KRT36: variants seen among roughly 807,000 people sequenced by gnomAD.
KRT36 encodes the protein keratin, type I cuticular Ha6.
In KRT36, 41 loss-of-function variants were observed where a neutral mutation model predicts 43.0. The observed-to-expected ratio is 0.95, with a 90% confidence interval of 0.74 to 1.24. KRT36 has a LOEUF of 1.24. Among genes scored for constraint, KRT36 ranks in the 50% most tolerant of loss-of-function variants. KRT36 has a pLI of 0.00. For missense variants in KRT36, 627 were observed against 595.3 expected (o/e 1.05, Z -0.55); for synonymous variants, 277 against 252.9 (o/e 1.10, Z -0.90).
At chr17:41,489,285 A>C in intron 1 of KRT36, 121 bp downstream of exon 1, 1 of 1,067,508 alleles carries the variant, frequency 9.4e-7, no homozygotes, top group Non-Finnish European at 1.4e-6. Flanking sequence ...TAGAGAGAAA[A>C]GTTTGCCCTA....
In KRT36 at chr17:41,489,531, G is replaced by A. The variant is rs748135154; in HGVS notation, c.334C>T (p.Arg112Cys). ...DRLANYLEKV[R>C]QLERENAELE... ...TCCGCGTTCTCCCGCTCCAGCTGAC[G>A]CACCTTCTCCAGGTAGTTGGCCAGG... The change falls in exon 1 of 7, where the codon CGT becomes TGT. Residue 112 changes from arginine to cysteine, a missense_variant. By Grantham distance (180) the Arg-to-Cys change is radical (BLOSUM62 -3). Coordinates refer to ENST00000328119, the MANE Select transcript of KRT36 (RefSeq NM_003771.5). The A allele has an allele frequency of 5.0e-6, 8 of 1,614,048 alleles. No homozygotes were observed. Among genetic ancestry groups the A allele is most frequent in the Middle Eastern group, 1.7e-4 (1 of 6,060 alleles).
chr17:41,489,371 G>C (rs115828690), intron 1 of KRT36, 35 bp downstream of exon 1: 4 of 1,597,344 alleles, frequency 2.5e-6, no homozygotes, highest in Non-Finnish European at 3.4e-6. Context: ...TAAGAGTTGG[G>C]CTGCTCAGCT....
intron 5 of KRT36, 69 bp from the exon 6 acceptor site, chr17:41,487,239 G>A (rs927900175): frequency 2.2e-5 from 34 of 1,578,632 alleles, no homozygotes; most frequent in Non-Finnish European, 2.8e-5. Flanking sequence ...CCACAGCCCT[G>A]GGCATCTGCC....
At position 41,487,745 on chromosome 17, in the gene KRT36, G is replaced by A. The variant is rs1256083533; in HGVS notation, c.700-8C>T. 1 of 1,601,936 alleles carries A rather than the reference G, an allele frequency of 6.2e-7. No individual in the cohort carries two copies. The highest frequency in any genetic ancestry group is 1.7e-5 in the Admixed American group (1 of 59,356). ...ACGGAGTACACTGACTTCCTGCAGA[G>A]AGGAGGCAAGACGGCATGAGGTTGT... On this transcript the variant is annotated splice_polypyrimidine_tract_variant and splice_region_variant and intron_variant, in intron 3 of 6. Coordinates refer to ENST00000328119, the MANE Select transcript of KRT36 (RefSeq NM_003771.5).
intron 2 of KRT36, 57 bp from the exon 3 acceptor site, chr17:41,488,456 A>G: frequency 1.3e-6 from 2 of 1,591,106 alleles, no homozygotes; most frequent in South Asian, 2.3e-5. Context: ...ACCAGCAGGG[A>G]CCCCTGCCCT....
chr17:41,488,261 G>C lies in KRT36; in HGVS notation c.681C>G (p.Leu227=). The C allele has an allele frequency of 6.2e-7, 1 of 1,613,962 alleles. No homozygotes were observed. Among genetic ancestry groups the C allele is most frequent in the South Asian group, 1.1e-5 (1 of 91,084 alleles). ...VESLKEELMC[L]KKNHEEEVSV... is the part of the protein sequence containing the mutation. ...GCCTCACCTCCTCGTGATTCTTCTT[G>C]AGGCACATCAGCTCCTCCTTCAGGG... The change falls in exon 3 of 7, where the codon CTC becomes CTG. Residue 227 remains leucine, a synonymous_variant. Coordinates refer to ENST00000328119, the MANE Select transcript of KRT36 (RefSeq NM_003771.5).
chr17:41,486,944 A>G lies in KRT36; in HGVS notation c.1208+6T>C, dbSNP rs750995657. 2 of 1,610,542 alleles carry G rather than the reference A, an allele frequency of 1.2e-6. No homozygotes were observed. Among genetic ancestry groups the G allele is most frequent in the Non-Finnish European group, 1.7e-6 (2 of 1,179,158 alleles). ...CAAGCCCTACCCCAGCCCAAGGGCC[A>G]CTCACTTGCAGTCCTCTCCCTCCAG... On this transcript the variant is annotated splice_donor_region_variant and intron_variant, in intron 6 of 6. Coordinates refer to ENST00000328119, the MANE Select transcript of KRT36 (RefSeq NM_003771.5).
At chr17:41,487,329 G>C in intron 5 of KRT36, 22 bp downstream of exon 5, 1 of 1,606,566 alleles carries the variant, frequency 6.2e-7, no homozygotes, top group Non-Finnish European at 8.5e-7. Flanking sequence ...CGTGGCCAGC[G>C]ACGCAGGCAG....
Position 41,488,419 on chromosome 17 carries a change from C to A in KRT36, c.543-20G>T, listed in dbSNP as rs767446881. 5.0e-5 allele frequency: 81 copies of A among 1,609,072 alleles called. No homozygotes were observed. The highest frequency in any genetic ancestry group is 5.6e-5 in the Non-Finnish European group (66 of 1,176,462). ...TCATACCTGCACACACAGAACCCTGCCAAGTCTGCAGCAAAGGAAACCACA... is the reference window on the plus strand; with the variant it reads ...TCATACCTGCACACACAGAACCCTGACAAGTCTGCAGCAAAGGAAACCACA... On this transcript the variant is annotated intron_variant, in intron 2 of 6. Coordinates refer to ENST00000328119, the MANE Select transcript of KRT36 (RefSeq NM_003771.5).
intron 1 of KRT36, among the ~76,000 whole-genome samples, chr17:41,489,197 G>T (rs1050429952): frequency 6.6e-6 from 1 of 152,168 alleles, no homozygotes; most frequent in Admixed American, 6.5e-5. Context: ...CAAGGGGAGG[G>T]GGGTGAGGAA....
Position 41,487,717 on chromosome 17 carries a change from G to T in KRT36, c.720C>A (p.Cys240Ter). ...CCACATTCAGTCGGTCCCCAAGTTG[G>T]CAACGGAGTACACTGACTTCCTGCA... ...NHEEEVSVLR[C>*]QLGDRLNVEV... The change falls in exon 4 of 7, where the codon TGC becomes TGA. Residue 240 changes from cysteine to a stop codon, truncating the protein, a stop_gained. Transcript: ENST00000328119. LOFTEE classifies it high-confidence loss of function. The T allele has an allele frequency of 9.3e-6, 15 of 1,613,382 alleles. No individual in the cohort carries two copies. The highest frequency in any genetic ancestry group is 1.3e-5 in the Non-Finnish European group (15 of 1,179,420).
chr17:41,487,629 C>G lies in KRT36; in HGVS notation c.808G>C (p.Glu270Gln), dbSNP rs763099092. 5 of 1,614,180 alleles carry G rather than the reference C, an allele frequency of 3.1e-6. No individual in the cohort carries two copies. Among genetic ancestry groups the G allele is most frequent in the Non-Finnish European group, 4.2e-6 (5 of 1,180,028 alleles). Residue 270 changes from glutamate (E) to glutamine (Q), a missense_variant, in exon 4 of 7, where the codon GAG becomes CAG. Transcript: ENST00000328119. ...KILEDMRCQY[E>Q]ALVENNRRDV... ...CTGCGGTTATTCTCCACCAGGGCCT[C>G]GTACTGGCATCTCATATCCTCCAGG...
intron 6 of KRT36, 39 bp downstream of exon 6, chr17:41,486,911 G>A: frequency 1.9e-6 from 3 of 1,574,472 alleles, no homozygotes; most frequent in Non-Finnish European, 2.6e-6. Flanking sequence ...TGGCACTGAG[G>A]GTTCAGTCAA....
At chr17:41,487,836 T>C in intron 3 of KRT36, 99 bp from the exon 4 acceptor site, 1 of 1,192,288 alleles carries the variant, frequency 8.4e-7, no homozygotes, top group Non-Finnish European at 1.2e-6. Flanking sequence ...AGTCACCAGC[T>C]GCATAGCATT....
At chr17:41,488,770 G>A (rs776334960) in intron 1 of KRT36, 46 bp from the exon 2 acceptor site, 1 of 1,501,446 alleles carries the variant, frequency 6.7e-7, no homozygotes, top group East Asian at 2.3e-5. Context: ...GCCCAGCAGT[G>A]TGGGGGCAGG....
At chr17:41,489,304 A>T (rs1904494997) in intron 1 of KRT36, 102 bp downstream of exon 1, 1 of 1,302,502 alleles carries the variant, frequency 7.7e-7, no homozygotes, top group Non-Finnish European at 1.1e-6. Flanking sequence ...TACCAGGAGA[A>T]TTCCCTAAAA....
In KRT36 at chr17:41,489,703, C is replaced by T. The variant is rs369080313; in HGVS notation, c.162G>A (p.Ser54=). 38 of 1,614,118 alleles carry T rather than the reference C, an allele frequency of 2.4e-5. No individual in the cohort carries two copies. Among genetic ancestry groups the T allele is most frequent in the South Asian group, 1.2e-4 (11 of 91,076 alleles). ...AGCAGCTCCCAAGGCCAGAGAGGCC[C>T]GACCTAGCAGAAGAGATGTACCCTG... ...GAAGYISSAR[S]GLSGLGSCLP... The change falls in exon 1 of 7, where the codon TCG becomes TCA. Residue 54 remains serine, a synonymous_variant. Coordinates refer to ENST00000328119, the MANE Select transcript of KRT36 (RefSeq NM_003771.5).
At chr17:41,489,229 C>G (rs887092203) in intron 1 of KRT36, among the ~76,000 whole-genome samples, 177 bp downstream of exon 1, 6 of 152,142 alleles carry the variant, frequency 3.9e-5, no homozygotes, top group African/African-American at 1.4e-4. Context: ...AAGGTACAAG[C>G]AAGAGACCAG....
chr17:41,488,189 T>C lies in KRT36; in HGVS notation c.699+54A>G, dbSNP rs1345562338. 37 of 1,570,860 alleles carry C rather than the reference T, an allele frequency of 2.4e-5. No homozygotes were observed. The South Asian group carries it at 3.5e-4, about 15-fold the overall frequency. ...GCACAGAAAACTGAAAGCCCAGCAGTGGCTTCCTAAGCTGGATGGGAAACA... is the reference window on the plus strand; with the variant it reads ...GCACAGAAAACTGAAAGCCCAGCAGCGGCTTCCTAAGCTGGATGGGAAACA... On this transcript the variant is annotated intron_variant, in intron 3 of 6. Transcript: ENST00000328119.
Sources: gnomAD v4.1 joint callset for allele counts (sites outside exome capture counted in the v4.1 genomes callset) on GRCh38, gnomAD v4.1.1 for gene constraint, MANE v1.5 for transcripts, NCBI Gene and HGNC (gene_info 2026-07-23, HGNC 2026-07-21) for gene names.